ZBED6: variants seen among roughly 807,000 people sequenced by gnomAD.
The protein encoded by ZBED6 is zinc finger BED domain-containing protein 6.
Under a neutral mutation model 58.4 loss-of-function variants are expected in ZBED6, and 40 were observed. The ratio of observed to expected loss-of-function variants is 0.68; its 90% CI spans 0.53 to 0.89. The LOEUF (loss-of-function observed/expected upper bound fraction) is 0.89, where lower values mean the gene tolerates loss of function less well. Among genes scored for constraint, ZBED6 ranks in the 40% least tolerant of loss-of-function variants. The pLI is 0.00. For missense variants in ZBED6, 1,057 were observed against 1,003.9 expected, an observed-to-expected ratio of 1.05 and a Z score of -0.71; for synonymous variants, 439 against 350.6, an observed-to-expected ratio of 1.25 and a Z score of -2.82.
At chr1:203,821,480 AT>A (rs1357043066) in intron 3 of ZBED6, among the ~76,000 whole-genome samples, 1 of 151,840 alleles carries the variant, frequency 6.6e-6, no homozygotes, top group East Asian at 1.9e-4. Flanking sequence ...TTTCAAACTG[AT>A]TTTTGTGTTC....
chr1:203,843,421 A>G (rs1027574453), intron 11 of ZBED6, among the ~76,000 whole-genome samples: 1 of 152,180 alleles, frequency 6.6e-6, no homozygotes, highest in African/African-American at 2.4e-5. Flanking sequence ...ACTTTGGGAC[A>G]TATGCCTGCA....
At chr1:203,799,607 T>G (rs1304788930) in exon 1 of ZBED6, 2 of 703,172 alleles carry the variant, frequency 2.8e-6, no homozygotes, top group Non-Finnish European at 5.2e-6. Flanking sequence ...TTAAGCCATT[T>G]GAGGAGGCTA....
chr1:203,798,289 A>G lies in ZBED6; in HGVS notation c.767A>G (p.His256Arg), dbSNP rs1244179661. 2.6e-6 allele frequency: 4 copies of G among 1,536,064 alleles called. No homozygotes were observed. The highest frequency in any genetic ancestry group is 2.4e-5 in the South Asian group (2 of 84,072). The change falls in exon 1 of 17, where the codon CAT (histidine) becomes CGT (arginine). Residue 256 changes from histidine to arginine, a missense_variant. Physicochemically the swap from His to Arg is conservative, Grantham distance 29 (BLOSUM62 0). Transcript: ENST00000550078. ...CTCATCAAAAGTAACATTGTCAAGC[A>G]TGCTTTAATTCCTGGAACTAGAGCC...
At chr1:203,818,583 C>G (rs759862479) in exon 3 of ZBED6, 3 of 1,613,996 alleles carry the variant, frequency 1.9e-6, no homozygotes, top group Non-Finnish European at 2.5e-6. Context: ...GACAGCTGCC[C>G]ATTCCGTCAC....
Position 203,818,480 on chromosome 1 carries a change from C to A in ZBED6, c.*2754-90C>A, listed in dbSNP as rs535316180. On this transcript the variant is annotated intron_variant, in intron 2 of 16. Coordinates refer to ENST00000550078, the Ensembl canonical transcript of ZBED6. ...ACCAGTCCTTTCTTACTCATTTGTG[C>A]TTGTCTAAATTCCAGGAGCTCTTGT... The A allele has an allele frequency of 7.1e-6, 11 of 1,555,378 alleles. No individual in the cohort carries two copies. In the South Asian group the frequency reaches 1.1e-4, roughly 16 times the overall value.
intron 1 of ZBED6, among the ~76,000 whole-genome samples, chr1:203,804,960 A>G (rs1162874243): frequency 6.6e-6 from 1 of 151,902 alleles, no homozygotes; most frequent in Non-Finnish European, 1.5e-5. Context: ...GGCGTGAGCT[A>G]TTGTGCCCGG....
chr1:203,849,970 G>C (rs202156016), exon 14 of ZBED6: 3 of 1,614,072 alleles, frequency 1.9e-6, no homozygotes, highest in Non-Finnish European at 2.5e-6. Flanking sequence ...TCAGGGATTG[G>C]AGACTCATTA....
At chr1:203,799,076 T>G (rs1203420871) in exon 1 of ZBED6, 2 of 1,536,124 alleles carry the variant, frequency 1.3e-6, no homozygotes, top group Admixed American at 3.9e-5. Flanking sequence ...GGATCCCCGA[T>G]TTTAGAAAGT....
At chr1:203,843,639 T>A (rs1687093939) in intron 11 of ZBED6, among the ~76,000 whole-genome samples, 1 of 152,200 alleles carries the variant, frequency 6.6e-6, no homozygotes, top group Non-Finnish European at 1.5e-5. Flanking sequence ...TGTAAATGAA[T>A]GACTGCTGGT....
intron 3 of ZBED6, among the ~76,000 whole-genome samples, chr1:203,820,061 C>T (rs981433998): frequency 2.0e-5 from 3 of 151,570 alleles, no homozygotes; most frequent in Non-Finnish European, 4.4e-5. Flanking sequence ...ATGGTGAAAG[C>T]CCATCTCTAC....
At position 203,847,421 on chromosome 1, in the gene ZBED6, A is replaced by G. The variant is rs548302202; in HGVS notation, c.*3979A>G. ...GAAGCAGAGAGACAAAAAAGCAAAA[A>G]GGATACAACTTGCATCAAGCTAAAG... On this transcript the variant is annotated 3_prime_UTR_variant, in exon 12 of 17. Transcript: ENST00000550078. 9.3e-6 allele frequency: 15 copies of G among 1,614,010 alleles called. No homozygotes were observed. In the East Asian group the frequency reaches 1.3e-4, roughly 14 times the overall value.
At position 203,847,645 on chromosome 1, in the gene ZBED6, A is replaced by T; in HGVS notation, c.*4203A>T. On this transcript the variant is annotated 3_prime_UTR_variant, in exon 12 of 17. Coordinates refer to ENST00000550078, the Ensembl canonical transcript of ZBED6. The stretch of plus-strand genomic sequence containing the variant: ...CAGCTCCCCGTCTCAACACGAGGCC[A>T]CTCCAGGGGCAAGGCGGCTGCTGCG... 6.2e-7 allele frequency: 1 copy of T among 1,613,038 alleles called. No homozygotes were observed. The highest frequency in any genetic ancestry group is 8.5e-7 in the Non-Finnish European group (1 of 1,179,972).
intron 1 of ZBED6, among the ~76,000 whole-genome samples, chr1:203,810,860 G>T (rs1423337339): frequency 6.6e-6 from 1 of 151,908 alleles, no homozygotes; most frequent in African/African-American, 2.4e-5. Context: ...TTGTGGGCCA[G>T]ACGCTCACGC....
chr1:203,846,346 TTAATG>T (rs1383997770), intron 11 of ZBED6, among the ~76,000 whole-genome samples: 1 of 152,192 alleles, frequency 6.6e-6, no homozygotes, highest in Admixed American at 6.6e-5. Context: ...TATAGAACGA[TTAATG>T]TATCATTGAA....
At chr1:203,807,627 A>G (rs1672828763) in intron 1 of ZBED6, among the ~76,000 whole-genome samples, 1 of 152,134 alleles carries the variant, frequency 6.6e-6, no homozygotes, top group South Asian at 2.1e-4. Context: ...CCTGGGCTCA[A>G]GTGATCCTTC....
chr1:203,797,786 T>C, exon 1 of ZBED6: 1 of 1,536,006 alleles, frequency 6.5e-7, no homozygotes, highest in Non-Finnish European at 8.7e-7. Flanking sequence ...TTAGTAAGGA[T>C]TTGGGATCTG....
chr1:203,808,405 T>C (rs758397181), intron 1 of ZBED6, among the ~76,000 whole-genome samples: 4 of 152,254 alleles, frequency 2.6e-5, no homozygotes, highest in Non-Finnish European at 5.9e-5. Context: ...AATTTTACCA[T>C]GTCTGTGTAT....
exon 1 of ZBED6, chr1:203,796,164 C>A: frequency 3.0e-6 from 1 of 337,572 alleles, no homozygotes. Context: ...CCCCGAATCC[C>A]GAAGAGAGAA....
At chr1:203,849,263 A>G (rs1250270966) in intron 13 of ZBED6, among the ~76,000 whole-genome samples, 1 of 151,624 alleles carries the variant, frequency 6.6e-6, no homozygotes, top group Non-Finnish European at 1.5e-5. Context: ...ATAATGGAGA[A>G]CTCTACAGTG....
Sources: allele counts gnomAD v4.1 joint callset (sites outside exome capture counted in the v4.1 genomes callset), GRCh38; gene constraint gnomAD v4.1.1; transcripts MANE v1.5; gene names NCBI Gene and HGNC (gene_info 2026-07-23, HGNC 2026-07-21).